ROBO1: variants seen among roughly 807,000 people sequenced by gnomAD.
The protein encoded by ROBO1 is roundabout guidance receptor 1, also known as roundabout homolog 1.
Under a neutral mutation model 195.9 loss-of-function variants are expected in ROBO1, and 149 were observed. That is an observed-to-expected ratio of 0.76 (90% CI 0.67 to 0.87). The LOEUF (loss-of-function observed/expected upper bound fraction) is 0.87. Among genes scored for constraint, ROBO1 ranks in the 40% least tolerant of loss-of-function variants. The probability of loss-of-function intolerance (pLI) is 0.00; values close to 1 mark genes in which losing one functional copy is unlikely to be tolerated. For synonymous variants in ROBO1, 816 were observed against 733.2 expected, an observed-to-expected ratio of 1.11 and a Z score of -1.82; for missense variants, 1,933 against 2,068.3, an observed-to-expected ratio of 0.93 and a Z score of 1.27.
intron 25 of ROBO1, among the ~76,000 whole-genome samples, chr3:78,628,525 C>T (rs1478656178): frequency 2.0e-5 from 3 of 152,096 alleles, no homozygotes; most frequent in Admixed American, 1.3e-4. Context: ...TCTCTTATCC[C>T]AGGGCGTATG....
intron 3 of ROBO1, among the ~76,000 whole-genome samples, chr3:78,989,567 T>C (rs938504573): frequency 6.6e-6 from 1 of 152,132 alleles, no homozygotes; most frequent in Non-Finnish European, 1.5e-5. Flanking sequence ...TGAGCAGAGA[T>C]TGCAAGACTA....
chr3:79,054,836 T>C (rs557010662), intron 3 of ROBO1, among the ~76,000 whole-genome samples: 1 of 152,020 alleles, frequency 6.6e-6, no homozygotes, highest in Non-Finnish European at 1.5e-5. Context: ...CAGGCCCCAA[T>C]ATCAAACGGG....
At chr3:78,903,998 T>C (rs1576373584) in intron 4 of ROBO1, among the ~76,000 whole-genome samples, 1 of 152,032 alleles carries the variant, frequency 6.6e-6, no homozygotes, top group South Asian at 2.1e-4. Context: ...AACACTGTTG[T>C]AGGAAATAAC....
At chr3:79,337,525 C>T (rs1559828121) in intron 2 of ROBO1, among the ~76,000 whole-genome samples, 1 of 152,102 alleles carries the variant, frequency 6.6e-6, no homozygotes, top group East Asian at 1.9e-4. Context: ...TTGTAAGTTT[C>T]CTGAAGCCTC....
chr3:79,300,079 C>T (rs923322085), intron 2 of ROBO1, among the ~76,000 whole-genome samples: 2 of 152,204 alleles, frequency 1.3e-5, no homozygotes, highest in Non-Finnish European at 2.9e-5. Context: ...AGCCCTCGCT[C>T]GCTCTGGGCA....
chr3:78,651,145 C>T (rs1252855257), intron 19 of ROBO1, among the ~76,000 whole-genome samples: 1 of 152,000 alleles, frequency 6.6e-6, no homozygotes, highest in Non-Finnish European at 1.5e-5. Context: ...ACATTCGTAA[C>T]AAAATCACCA....
intron 28 of ROBO1, 140 bp from the exon 29 acceptor site, chr3:78,607,181 A>G: frequency 1.3e-6 from 1 of 769,570 alleles, no homozygotes; most frequent in Non-Finnish European, 2.0e-6. Context: ...GTAACCAAGG[A>G]AAAATACCCA....
chr3:78,664,795 T>C (rs1188933271), intron 14 of ROBO1, among the ~76,000 whole-genome samples: 1 of 152,190 alleles, frequency 6.6e-6, no homozygotes, highest in East Asian at 1.9e-4. Context: ...ACCCCTCATT[T>C]TTCTCCTTGC....
intron 19 of ROBO1, among the ~76,000 whole-genome samples, chr3:78,650,717 G>A (rs1041463907): frequency 2.6e-5 from 4 of 152,104 alleles, no homozygotes; most frequent in Non-Finnish European, 5.9e-5. Context: ...CTTTAAATTT[G>A]CTTTGCAGCA....
At chr3:79,761,329 A>G (rs1034835278) in intron 1 of ROBO1, among the ~76,000 whole-genome samples, 11 of 151,738 alleles carry the variant, frequency 7.2e-5, no homozygotes, top group African/African-American at 2.4e-4. Flanking sequence ...ACAATACTAT[A>G]TATGAATTAA....
chr3:79,208,686 CAT>C (rs1491251000), intron 2 of ROBO1, among the ~76,000 whole-genome samples: 126 of 80,020 alleles, frequency 1.6e-3, no homozygotes, highest in Admixed American at 4.6e-3. Flanking sequence ...GGTGGTGGGG[CAT>C]GTGTGTGTGT....
intron 5 of ROBO1, among the ~76,000 whole-genome samples, chr3:78,720,437 G>A (rs565385662): frequency 2.6e-5 from 4 of 152,274 alleles, no homozygotes; most frequent in African/African-American, 9.6e-5. Context: ...TAAAAAGTCA[G>A]GAAACAACAG....
At chr3:78,646,569 T>C (rs1316271996) in intron 20 of ROBO1, among the ~76,000 whole-genome samples, 1 of 147,730 alleles carries the variant, frequency 6.8e-6, no homozygotes, top group African/African-American at 2.5e-5. Flanking sequence ...TTGGAGCACA[T>C]AATTTCATAA....
chr3:79,369,330 C>T (rs780356860), intron 2 of ROBO1, among the ~76,000 whole-genome samples: 2 of 152,176 alleles, frequency 1.3e-5, no homozygotes, highest in South Asian at 2.1e-4. Flanking sequence ...GGGCACAACT[C>T]GAATAAGTTC....
Position 78,598,670 on chromosome 3 carries a change from A to G in ROBO1, c.*243T>C, listed in dbSNP as rs1048618311. 17 of 342,674 alleles carry G rather than the reference A, an allele frequency of 5.0e-5. No individual in the cohort carries two copies. In the South Asian group the frequency reaches 2.1e-3, roughly 43 times the overall value. 21.2% of individuals were successfully genotyped at this position (342,674 alleles called of 1,614,324 possible). A position where few individuals can be genotyped will look rare whatever the true frequency, so the allele number is the denominator to read the frequency against. On this transcript the variant is annotated 3_prime_UTR_variant, in exon 31 of 31. Coordinates refer to ENST00000464233, the MANE Select transcript of ROBO1 (RefSeq NM_002941.4). Reference sequence around the variant, plus strand: ...TCAAAGCACTTTGCTTGCTGGAAGTAAGGTATAATGGTTTGCTCCAACAGC... The same window carrying G: ...TCAAAGCACTTTGCTTGCTGGAAGTGAGGTATAATGGTTTGCTCCAACAGC...
At chr3:79,174,080 T>A (rs1401593929) in intron 2 of ROBO1, among the ~76,000 whole-genome samples, 2 of 152,052 alleles carry the variant, frequency 1.3e-5, no homozygotes, top group Non-Finnish European at 2.9e-5. Context: ...TGGTGCCAGA[T>A]AAGAGAATAA....
chr3:78,640,005 G>A, intron 21 of ROBO1, 107 bp from the exon 22 acceptor site: 1 of 908,736 alleles, frequency 1.1e-6, no homozygotes, highest in Non-Finnish European at 1.6e-6. Context: ...CAAATCATCT[G>A]ATGAACTATG....
chr3:79,107,991 C>T (rs931718956), intron 3 of ROBO1, among the ~76,000 whole-genome samples: 5 of 151,846 alleles, frequency 3.3e-5, no homozygotes, highest in Non-Finnish European at 5.9e-5. Flanking sequence ...TGATTTCTTA[C>T]GTATGTCAGA....
intron 15 of ROBO1, among the ~76,000 whole-genome samples, chr3:78,661,471 C>A (rs1707399691): frequency 6.6e-6 from 1 of 152,130 alleles, no homozygotes; most frequent in African/African-American, 2.4e-5. Flanking sequence ...CCAAAAGAAT[C>A]TTCAGCTAAA....
Sources: allele counts gnomAD v4.1 joint callset (sites outside exome capture counted in the v4.1 genomes callset), GRCh38; gene constraint gnomAD v4.1.1; transcripts MANE v1.5; gene names NCBI Gene and HGNC (gene_info 2026-07-23, HGNC 2026-07-21).